ACVR1B: variants seen among roughly 807,000 people sequenced by gnomAD.
ACVR1B encodes activin A receptor type 1B.
A neutral mutation model predicts 55.6 loss-of-function variants in ACVR1B; 15 were observed. The ratio of observed to expected loss-of-function variants is 0.27; its 90% CI spans 0.18 to 0.42. The LOEUF (loss-of-function observed/expected upper bound fraction) is 0.42. ACVR1B is among the 10% of genes least tolerant of loss of function. The probability of loss-of-function intolerance (pLI) is 1.00; values close to 1 mark genes in which losing one functional copy is unlikely to be tolerated. For synonymous variants in ACVR1B, 247 were observed against 254.6 expected, an observed-to-expected ratio of 0.97 and a Z score of 0.28; for missense variants, 359 against 670.1, an observed-to-expected ratio of 0.54 and a Z score of 5.13.
chr12:51,962,648 G>A (rs1417087254), intron 1 of ACVR1B, among the ~76,000 whole-genome samples: 1 of 151,976 alleles, frequency 6.6e-6, no homozygotes, highest in Non-Finnish European at 1.5e-5. Flanking sequence ...GCCACACATT[G>A]CCTCTATTTT....
intron 4 of ACVR1B, 23 bp from the exon 5 acceptor site, chr12:51,983,976 G>A: frequency 6.2e-7 from 1 of 1,613,162 alleles, no homozygotes. Flanking sequence ...CTTTTTCTGG[G>A]ACTCATCTGT....
At chr12:51,954,755 A>G (rs911302254) in intron 1 of ACVR1B, among the ~76,000 whole-genome samples, 1 of 152,176 alleles carries the variant, frequency 6.6e-6, no homozygotes, top group African/African-American at 2.4e-5. Context: ...AAATAAGGAA[A>G]TATTTTGTGT....
At chr12:51,965,563 G>C (rs761589785) in intron 1 of ACVR1B, among the ~76,000 whole-genome samples, 3 of 152,168 alleles carry the variant, frequency 2.0e-5, no homozygotes, top group Non-Finnish European at 4.4e-5. Flanking sequence ...GACCTGTGGG[G>C]AGGATGCGGC....
At chr12:51,955,722 G>A (rs1941393651) in intron 1 of ACVR1B, among the ~76,000 whole-genome samples, 1 of 152,152 alleles carries the variant, frequency 6.6e-6, no homozygotes, top group Non-Finnish European at 1.5e-5. Context: ...TGGTGTAAGA[G>A]GGTCTTAATC....
intron 8 of ACVR1B, 133 bp from the exon 9 acceptor site, chr12:51,993,852 T>G: frequency 1.3e-6 from 1 of 798,578 alleles, no homozygotes; most frequent in South Asian, 2.0e-5. Flanking sequence ...TTCCCTAAGG[T>G]CGGCCGCCGG....
Position 51,991,915 on chromosome 12 carries a change from T to G in ACVR1B, c.1314T>G (p.Pro438=), listed in dbSNP as rs772828202. Residue 438 remains proline (P), a synonymous_variant, in exon 8 of 9, where the codon CCT becomes CCG. Transcript: ENST00000257963. The part of the protein sequence containing the change: ...LPYYDLVPSD[P]SIEEMRKVVC... ...ATTACGACTTAGTGCCCTCTGACCC[T>G]TCCATTGAGGAAATGCGAAAGGTTG... The G allele has an allele frequency of 6.2e-7, 1 of 1,614,184 alleles. No homozygotes were observed. The highest frequency in any genetic ancestry group is 2.2e-5 in the East Asian group (1 of 44,880).
At chr12:51,985,453 G>A (rs528396132) in intron 6 of ACVR1B, 105 bp downstream of exon 6, 28 of 1,371,334 alleles carry the variant, frequency 2.0e-5, no homozygotes, top group Non-Finnish European at 2.8e-5. Context: ...AAAAGGAGGC[G>A]AGGACCTTGC....
intron 1 of ACVR1B, among the ~76,000 whole-genome samples, chr12:51,965,111 G>A (rs1298539355): frequency 6.6e-6 from 1 of 152,142 alleles, no homozygotes; most frequent in Non-Finnish European, 1.5e-5. Context: ...TGGTGGACAA[G>A]TTCGGTTCTC....
intron 1 of ACVR1B, among the ~76,000 whole-genome samples, chr12:51,973,147 A>G (rs2120576671): frequency 6.6e-6 from 1 of 152,352 alleles, no homozygotes; most frequent in South Asian, 2.1e-4. Flanking sequence ...AACTAACGAA[A>G]TAAGCATAAG....
chr12:51,984,713 C>T (rs1336426866), intron 5 of ACVR1B, among the ~76,000 whole-genome samples: 2 of 152,198 alleles, frequency 1.3e-5, no homozygotes, highest in Non-Finnish European at 2.9e-5. Context: ...GGTGTGATCC[C>T]TGATGCCTGG....
At chr12:51,963,834 A>G (rs987224898) in intron 1 of ACVR1B, among the ~76,000 whole-genome samples, 2 of 152,196 alleles carry the variant, frequency 1.3e-5, no homozygotes, top group African/African-American at 4.8e-5. Context: ...TTATAGGGTA[A>G]TTCTAGATTT....
At chr12:51,953,251 T>G in intron 1 of ACVR1B, 1 of 740,514 alleles carries the variant, frequency 1.4e-6, no homozygotes, top group Non-Finnish European at 1.6e-6. Flanking sequence ...TCAGTCGTCT[T>G]TAATAAACCA....
At chr12:51,981,803 C>T (rs568577232) in intron 4 of ACVR1B, among the ~76,000 whole-genome samples, 1 of 151,126 alleles carries the variant, frequency 6.6e-6, no homozygotes, top group Admixed American at 6.6e-5. Flanking sequence ...GAGCTGAGGT[C>T]GCGCCACTGC....
intron 7 of ACVR1B, among the ~76,000 whole-genome samples, chr12:51,989,820 C>A (rs958557257): frequency 6.6e-6 from 1 of 151,850 alleles, no homozygotes; most frequent in Admixed American, 6.6e-5. Context: ...CCCGTCTGTA[C>A]TAAAAATACA....
intron 1 of ACVR1B, among the ~76,000 whole-genome samples, chr12:51,955,830 A>C (rs938028573): frequency 1.3e-5 from 2 of 152,212 alleles, no homozygotes; most frequent in African/African-American, 2.4e-5. Flanking sequence ...ACAGCCCATC[A>C]GTTCCACTTG....
intron 1 of ACVR1B, among the ~76,000 whole-genome samples, chr12:51,974,329 C>T (rs942832379): frequency 2.8e-4 from 42 of 152,266 alleles, no homozygotes; most frequent in African/African-American, 9.9e-4. Flanking sequence ...CTGTGCTATT[C>T]TTGTTAGTTG....
chr12:51,981,827 C>T (rs1437362793), intron 4 of ACVR1B, among the ~76,000 whole-genome samples: 6 of 147,710 alleles, frequency 4.1e-5, no homozygotes, highest in South Asian at 2.1e-4. Flanking sequence ...CCAGCCTGGG[C>T]GACAGAGCGA....
intron 1 of ACVR1B, among the ~76,000 whole-genome samples, chr12:51,955,209 C>A (rs1319859517): frequency 6.6e-6 from 1 of 152,190 alleles, no homozygotes; most frequent in Non-Finnish European, 1.5e-5. Context: ...GAAGGTTAGA[C>A]TGAGGACTTT....
chr12:51,976,277 C>A, intron 2 of ACVR1B, 50 bp from the exon 3 acceptor site: 1 of 1,608,610 alleles, frequency 6.2e-7, no homozygotes, highest in African/African-American at 1.3e-5. Flanking sequence ...TTTACTCTTT[C>A]CCTTGTTTTT....
Sources: allele counts gnomAD v4.1 joint callset (sites outside exome capture counted in the v4.1 genomes callset), GRCh38; gene constraint gnomAD v4.1.1; transcripts MANE v1.5; gene names NCBI Gene and HGNC (gene_info 2026-07-23, HGNC 2026-07-21).